The following LRRC66 variants were observed in gnomAD, a reference collection of about 807,000 sequenced individuals.
LRRC66 encodes the protein leucine-rich repeat-containing protein 66.
In LRRC66, 29 loss-of-function variants were observed where a neutral mutation model predicts 24.6. The ratio of observed to expected loss-of-function variants is 1.18; its 90% confidence interval spans 0.88 to 1.61. The LOEUF (loss-of-function observed/expected upper bound fraction) is 1.61, where lower values mean the gene tolerates loss of function less well. Among genes scored for constraint, LRRC66 ranks in the 40% most tolerant of loss-of-function variants. LRRC66 has a pLI of 0.00. For synonymous variants in LRRC66, 411 were observed against 397.6 expected (o/e 1.03, Z -0.40); for missense variants, 1,124 against 1,058.0 (o/e 1.06, Z -0.87).
chr4:52,004,254 C>T (rs531229373), intron 2 of LRRC66, among the ~76,000 whole-genome samples: 36 of 152,212 alleles, frequency 2.4e-4, no homozygotes, highest in South Asian at 1.0e-3. Context: ...AGTGATCCAC[C>T]GCCTTGGCCT....
In LRRC66 at chr4:52,010,716, C is replaced by T. The variant is rs571393243; in HGVS notation, c.496+6402G>A. On this transcript the variant is annotated intron_variant, in intron 2 of 4. Transcript: ENST00000682860. ...CTATCCAATCCACTGTTGATGGGCA[C>T]CTAGGTTGATTCCATGTAGTTGCTA... 1.2e-4 allele frequency among the ~76,000 whole-genome samples: 18 copies of T among 152,216 alleles called. No homozygotes were observed. The South Asian group carries it at 3.5e-3, about 30-fold the overall frequency.
At chr4:52,005,686 A>C (rs1232768926) in intron 2 of LRRC66, among the ~76,000 whole-genome samples, 1 of 151,280 alleles carries the variant, frequency 6.6e-6, no homozygotes, top group East Asian at 1.9e-4. Flanking sequence ...GCTTATAGTC[A>C]GCTTATTCTG....
In LRRC66 at chr4:51,994,343, G is replaced by A. The variant is rs760081149; in HGVS notation, c.*36C>T. On this transcript the variant is annotated 3_prime_UTR_variant, in exon 5 of 5. Coordinates refer to ENST00000682860, the MANE Select transcript of LRRC66 (RefSeq NM_001024611.3). ...CTGCCATGATCTTTAAAAGAATATT[G>A]TTTAGAGCTGTGAATATTTCCTTAA... 1.9e-6 allele frequency: 3 copies of A among 1,545,482 alleles called. No homozygotes were observed. Among genetic ancestry groups the A allele is most frequent in the Admixed American group, 3.7e-5 (2 of 54,578 alleles).
At chr4:52,003,072 A>G (rs1412002592) in intron 3 of LRRC66, 151 bp downstream of exon 3, 2 of 563,660 alleles carry the variant, frequency 3.5e-6, no homozygotes, top group African/African-American at 3.8e-5. Flanking sequence ...AAGAGACTTC[A>G]GCTCTTTTAA....
In LRRC66 at chr4:52,001,809, T is replaced by C. The variant is rs923354985; in HGVS notation, c.666+1414A>G. ...AGCCATTCTGGTTGGAAGTGGGGAG[T>C]TGGAGGCTTATCTTGCAGCTATGCC... On this transcript the variant is annotated intron_variant, in intron 3 of 4. Coordinates refer to ENST00000682860, the MANE Select transcript of LRRC66 (RefSeq NM_001024611.3). 3.3e-5 allele frequency among the ~76,000 whole-genome samples: 5 copies of C among 152,142 alleles called. No homozygotes were observed. In the East Asian group the frequency reaches 7.7e-4, roughly 24 times the overall value.
chr4:51,995,726 C>T lies in LRRC66; in HGVS notation c.1296G>A (p.Ala432=), dbSNP rs1369329424. 2.5e-6 allele frequency: 4 copies of T among 1,613,916 alleles called. No individual in the cohort carries two copies. The highest frequency in any genetic ancestry group is 2.2e-5 in the East Asian group (1 of 44,882). The change falls in exon 5 of 5, where the codon GCG becomes GCA. Residue 432 remains alanine (A), a synonymous_variant. Coordinates refer to ENST00000682860, the MANE Select transcript of LRRC66 (RefSeq NM_001024611.3). ...GGGTCTCTGGGTGTGGTGTGTGCCCCGCAGCTTCCATGTCATCGTAGAAGC... is the reference window on the plus strand; with the variant it reads ...GGGTCTCTGGGTGTGGTGTGTGCCCTGCAGCTTCCATGTCATCGTAGAAGC... ...NEGFYDDMEA[A]GHTPHPETHL...
At chr4:52,013,645 T>G (rs1046098610) in intron 2 of LRRC66, among the ~76,000 whole-genome samples, 1 of 152,236 alleles carries the variant, frequency 6.6e-6, no homozygotes, top group Admixed American at 6.5e-5. Context: ...GCACCTCTTT[T>G]GGGCATTTTC....
In LRRC66 at chr4:51,995,532, GC is replaced by G. The variant is rs1560555965; in HGVS notation, c.1489del (p.Ala497GlnfsTer24). ...SPGQCGDNTG[A>X]GSGNDGAVYS... Reference sequence around the variant, plus strand: ...GACTGCACCATCATTTCCACTTCCTGCCCCGGTGTTGTCCCCGCACTGTCCT... The same window carrying G: ...GACTGCACCATCATTTCCACTTCCTGCCCGGTGTTGTCCCCGCACTGTCCT... On this transcript the variant is annotated frameshift_variant, in exon 5 of 5. Transcript: ENST00000682860. LOFTEE classifies it low-confidence loss of function (END_TRUNC). 9.9e-6 allele frequency: 16 copies of G among 1,614,128 alleles called. No individual in the cohort carries two copies. Among genetic ancestry groups the G allele is most frequent in the Non-Finnish European group, 1.4e-5 (16 of 1,180,022 alleles).
At chr4:51,996,632 CATG>C (rs1052666961) in intron 4 of LRRC66, among the ~76,000 whole-genome samples, 5 of 152,192 alleles carry the variant, frequency 3.3e-5, no homozygotes, top group Admixed American at 3.3e-4. Context: ...GGGTACATTA[CATG>C]ATGATAAGCA....
At position 51,995,485 on chromosome 4, in the gene LRRC66, G is replaced by T. The variant is rs1478288375; in HGVS notation, c.1537C>A (p.Pro513Thr). ...ATTAGTTCACGGTTACCGGCATGTG[G>T]ATGTCTCTGGAGAATGGAATAGACT... ...GAVYSILQRH[P>T]HAGNRELMSA... The change falls in exon 5 of 5, where the codon CCA (proline) becomes ACA (threonine). Residue 513 changes from proline to threonine, a missense_variant. Transcript: ENST00000682860. 4 of 1,614,154 alleles carry T rather than the reference G, an allele frequency of 2.5e-6. No homozygotes were observed. The South Asian group carries it at 3.3e-5, about 13-fold the overall frequency.
At chr4:52,015,329 AG>A in intron 2 of LRRC66, among the ~76,000 whole-genome samples, 1 of 152,106 alleles carries the variant, frequency 6.6e-6, no homozygotes, top group East Asian at 1.9e-4. Context: ...AGGGTTTTGA[AG>A]AAAAAAAAAA....
intron 2 of LRRC66, among the ~76,000 whole-genome samples, chr4:52,011,202 T>C (rs1014188055): frequency 3.9e-5 from 6 of 152,212 alleles, no homozygotes; most frequent in African/African-American, 9.6e-5. Context: ...TCAGGGATTA[T>C]GGCTTTTAGT....
chr4:52,016,309 AAG>A (rs1736809778), intron 2 of LRRC66, among the ~76,000 whole-genome samples: 1 of 152,204 alleles, frequency 6.6e-6, no homozygotes, highest in African/African-American at 2.4e-5. Flanking sequence ...GGAATGGAGA[AAG>A]AGAACAATAA....
At chr4:52,007,684 GA>G (rs1168297910) in intron 2 of LRRC66, among the ~76,000 whole-genome samples, 5 of 152,228 alleles carry the variant, frequency 3.3e-5, no homozygotes, top group African/African-American at 1.2e-4. Context: ...CTTGTGGGCA[GA>G]ATACACTTCC....
intron 2 of LRRC66, among the ~76,000 whole-genome samples, chr4:52,006,206 T>C (rs1034388687): frequency 6.6e-6 from 1 of 152,146 alleles, no homozygotes; most frequent in Non-Finnish European, 1.5e-5. Context: ...ACTGGGTATA[T>C]ACCCAAAGGA....
Position 51,995,566 on chromosome 4 carries a change from G to T in LRRC66, c.1456C>A (p.Gln486Lys). The change falls in exon 5 of 5, where the codon CAG becomes AAG. Residue 486 changes from glutamine (Q) to lysine (K), a missense_variant. Gln to Lys is a moderately conservative substitution (Grantham distance 53). Transcript: ENST00000682860. ...TTGTCCCCGCACTGTCCTGGGCTCT[G>T]CGAACTGCCAGGATCCTTTCTGCTC... is the stretch of plus-strand genomic sequence containing the variant. ...GRSRKDPGSS[Q>K]SPGQCGDNTG... 1 of 1,614,164 alleles carries T rather than the reference G, an allele frequency of 6.2e-7. No individual in the cohort carries two copies. Among genetic ancestry groups the T allele is most frequent in the African/African-American group, 1.3e-5 (1 of 75,042 alleles).
chr4:52,010,299 T>G lies in LRRC66; in HGVS notation c.496+6819A>C, dbSNP rs1736671039. ...GAACCTTTCCCCACAGTTCACAAAA[T>G]TTTTTCTTTTTGTCTTATTTTTTAA... On this transcript the variant is annotated intron_variant, in intron 2 of 4. Coordinates refer to ENST00000682860, the MANE Select transcript of LRRC66 (RefSeq NM_001024611.3). Among the ~76,000 whole-genome samples the G allele has an allele frequency of 2.0e-5, 3 of 152,282 alleles. No homozygotes were observed. In the South Asian group the frequency reaches 6.2e-4, roughly 32 times the overall value.
At chr4:51,996,251 A>G in intron 4 of LRRC66, 86 bp from the exon 5 acceptor site, 26 of 1,354,358 alleles carry the variant, frequency 1.9e-5, no homozygotes, top group Non-Finnish European at 2.6e-5. Flanking sequence ...GAATTGAAAA[A>G]AATTCAATTT....
chr4:51,995,841 C>G lies in LRRC66; in HGVS notation c.1181G>C (p.Gly394Ala). 1.2e-6 allele frequency: 2 copies of G among 1,614,116 alleles called. No homozygotes were observed. Among genetic ancestry groups the G allele is most frequent in the Non-Finnish European group, 1.7e-6 (2 of 1,180,016 alleles). The part of the protein sequence containing the change: ...FITFLVAFSL[G>A]AFTRPYVDRL... ...GTCAACATAAGGCCTTGTGAAAGCC[C>G]CCAGGCTGAAGGCGACAAGGAATGT... Residue 394 changes from glycine to alanine, a missense_variant, in exon 5 of 5, where the codon GGG becomes GCG. Physicochemically the swap from Gly to Ala is moderately conservative, Grantham distance 60. Transcript: ENST00000682860.
Sources: gnomAD v4.1 joint callset for allele counts (sites outside exome capture counted in the v4.1 genomes callset) on GRCh38, gnomAD v4.1.1 for gene constraint, MANE v1.5 for transcripts, NCBI Gene and HGNC (gene_info 2026-07-23, HGNC 2026-07-21) for gene names.